CNTN5: variants seen among roughly 807,000 people sequenced by gnomAD.
The protein encoded by CNTN5 is contactin-5.
A neutral mutation model predicts 129.1 loss-of-function variants in CNTN5; 77 were observed. The ratio of observed to expected loss-of-function variants is 0.60; its 90% CI spans 0.50 to 0.72. The LOEUF is 0.72. Among genes scored for constraint, CNTN5 ranks in the 30% least tolerant of loss-of-function variants. The pLI is 0.00. For missense variants in CNTN5, 1,478 were observed against 1,328.8 expected (o/e 1.11, Z -1.75); for synonymous variants, 509 against 465.6 (o/e 1.09, Z -1.20).
At chr11:99,883,226 T>C (rs1331353991) in intron 6 of CNTN5, among the ~76,000 whole-genome samples, 1 of 152,208 alleles carries the variant, frequency 6.6e-6, no homozygotes, top group Admixed American at 6.5e-5. Flanking sequence ...TTTGGGTGTA[T>C]ACCAAGCAGT....
intron 1 of CNTN5, among the ~76,000 whole-genome samples, chr11:99,140,642 C>T (rs1251487901): frequency 6.6e-6 from 1 of 151,898 alleles, no homozygotes; most frequent in Non-Finnish European, 1.5e-5. Flanking sequence ...TCATAGATGG[C>T]CCTTATTATT....
At chr11:99,974,173 G>A (rs1239017920) in intron 8 of CNTN5, among the ~76,000 whole-genome samples, 2 of 152,186 alleles carry the variant, frequency 1.3e-5, no homozygotes, top group African/African-American at 2.4e-5. Context: ...AGTCATCACA[G>A]CAAAACAGCA....
intron 13 of CNTN5, among the ~76,000 whole-genome samples, chr11:100,143,111 G>C (rs1024631463): frequency 3.9e-5 from 6 of 152,028 alleles, no homozygotes; most frequent in African/African-American, 7.3e-5. Context: ...AACACTACTG[G>C]TCTCAAGCAT....
Position 99,267,106 on chromosome 11 carries a change from A to G in CNTN5, c.-209-58240A>G, listed in dbSNP as rs527683055. Reference sequence around the variant, plus strand: ...TTCTTAAATGGTAATAACATGGAGAAGAATGAAGATGAATGACACTGATAC... The same window carrying G: ...TTCTTAAATGGTAATAACATGGAGAGGAATGAAGATGAATGACACTGATAC... On this transcript the variant is annotated intron_variant, in intron 1 of 24. Coordinates refer to ENST00000524871, the MANE Select transcript of CNTN5 (RefSeq NM_014361.4). Among the ~76,000 whole-genome samples, 4 of 152,218 alleles carry G rather than the reference A, an allele frequency of 2.6e-5. No homozygotes were observed. In the South Asian group the frequency reaches 8.3e-4, roughly 32 times the overall value.
intron 9 of CNTN5, among the ~76,000 whole-genome samples, chr11:100,030,238 C>G (rs547798242): frequency 6.6e-6 from 1 of 151,980 alleles, no homozygotes; most frequent in Non-Finnish European, 1.5e-5. Context: ...TAAAGACTAG[C>G]TATAGTGGAA....
chr11:99,094,467 GACC>G (rs1866387393), intron 1 of CNTN5, among the ~76,000 whole-genome samples: 1 of 151,906 alleles, frequency 6.6e-6, no homozygotes, highest in Admixed American at 6.6e-5. Context: ...AGCAGTTTCT[GACC>G]ATCTGACCAT....
intron 3 of CNTN5, among the ~76,000 whole-genome samples, chr11:99,586,966 G>A (rs868636086): frequency 7.9e-5 from 12 of 152,282 alleles, no homozygotes; most frequent in African/African-American, 2.6e-4. Flanking sequence ...TCTAGTAATT[G>A]GCAAGAGTAT....
intron 6 of CNTN5, among the ~76,000 whole-genome samples, chr11:99,890,929 TG>T (rs111502527): frequency 4.6e-5 from 7 of 152,258 alleles, no homozygotes; most frequent in South Asian, 2.1e-4. Context: ...AGTAAGATAA[TG>T]GGGGAAAAAA....
chr11:99,871,745 T>C (rs2135814224), intron 6 of CNTN5, among the ~76,000 whole-genome samples: 1 of 152,162 alleles, frequency 6.6e-6, no homozygotes, highest in African/African-American at 2.4e-5. Context: ...CCTGCTGAAA[T>C]GTAAAGTTGA....
At chr11:99,224,489 A>G (rs1482015951) in intron 1 of CNTN5, among the ~76,000 whole-genome samples, 1 of 152,072 alleles carries the variant, frequency 6.6e-6, no homozygotes, top group African/African-American at 2.4e-5. Context: ...GACACTTCAC[A>G]CAAAATTTTC....
chr11:99,761,273 TTTA>T (rs879904032), intron 3 of CNTN5, among the ~76,000 whole-genome samples: 1 of 152,108 alleles, frequency 6.6e-6, no homozygotes, highest in Admixed American at 6.6e-5. Context: ...GTTTTTTTCT[TTTA>T]TTATTATACT....
chr11:99,423,000 C>T (rs1446846248), intron 2 of CNTN5, among the ~76,000 whole-genome samples: 1 of 152,120 alleles, frequency 6.6e-6, no homozygotes, highest in East Asian at 1.9e-4. Context: ...ATTGAATAAG[C>T]ATGTAAATAG....
intron 18 of CNTN5, among the ~76,000 whole-genome samples, chr11:100,285,140 C>A (rs1195594902): frequency 6.6e-6 from 1 of 152,170 alleles, no homozygotes; most frequent in Non-Finnish European, 1.5e-5. Flanking sequence ...ATTGTATCAC[C>A]TCCATCATTA....
At chr11:99,548,649 TA>T (rs1948378854) in intron 2 of CNTN5, among the ~76,000 whole-genome samples, 1 of 152,220 alleles carries the variant, frequency 6.6e-6, no homozygotes, top group African/African-American at 2.4e-5. Context: ...AGCAATAAAG[TA>T]CATTATTCTC....
intron 1 of CNTN5, among the ~76,000 whole-genome samples, chr11:99,175,491 A>C (rs1270888417): frequency 1.3e-5 from 2 of 152,132 alleles, no homozygotes; most frequent in Non-Finnish European, 2.9e-5. Flanking sequence ...TTTAGAAGTG[A>C]TGAAGAGATA....
At chr11:100,173,639 A>G (rs1947884235) in intron 13 of CNTN5, among the ~76,000 whole-genome samples, 1 of 152,112 alleles carries the variant, frequency 6.6e-6, no homozygotes, top group Non-Finnish European at 1.5e-5. Context: ...GGTAGTTGAA[A>G]GAAGTTTAGA....
chr11:99,769,800 A>T (rs1447096260), intron 3 of CNTN5, among the ~76,000 whole-genome samples: 1 of 135,340 alleles, frequency 7.4e-6, no homozygotes, highest in Non-Finnish European at 1.6e-5. Context: ...TGGGCAATAG[A>T]GTGAGACCCC....
chr11:99,551,944 A>G (rs1236089853), intron 2 of CNTN5, among the ~76,000 whole-genome samples: 1 of 148,864 alleles, frequency 6.7e-6, no homozygotes, highest in East Asian at 2.0e-4. Flanking sequence ...GTCTCACTCC[A>G]TCACCCAGGC....
At position 99,685,967 on chromosome 11, in the gene CNTN5, A is replaced by G. The variant is rs781327526; in HGVS notation, c.55+129698A>G. 3.9e-4 allele frequency among the ~76,000 whole-genome samples: 59 copies of G among 151,944 alleles called. 1 individual carries two copies. The highest frequency in any genetic ancestry group is 1.5e-4 in the Non-Finnish European group (10 of 67,890). ...TTTATTAGTCATATATGCCTTTACT[A>G]TTCTTTTACAGATAACCCTGAAGAG... On this transcript the variant is annotated intron_variant, in intron 3 of 24. Transcript: ENST00000524871.
Sources: allele counts gnomAD v4.1 joint callset (sites outside exome capture counted in the v4.1 genomes callset), GRCh38; gene constraint gnomAD v4.1.1; transcripts MANE v1.5; gene names NCBI Gene and HGNC (gene_info 2026-07-23, HGNC 2026-07-21).